EIF5B: variants seen among roughly 807,000 people sequenced by gnomAD.
The protein encoded by EIF5B is eIF-5B.
In EIF5B, 47 loss-of-function variants were observed where a neutral mutation model predicts 147.5. That is an observed-to-expected ratio of 0.32 (90% CI 0.25 to 0.41). EIF5B has a LOEUF of 0.41. Ranked by LOEUF, EIF5B falls within the 10% of genes least tolerant of loss-of-function variation. The pLI, the probability that EIF5B is intolerant of heterozygous loss-of-function variation, is 1.00. For synonymous variants in EIF5B, 455 were observed against 456.2 expected, an observed-to-expected ratio of 1.00 and a Z score of 0.03; for missense variants, 1,064 against 1,413.2, an observed-to-expected ratio of 0.75 and a Z score of 3.96.
chr2:99,394,263 C>A lies in EIF5B; in HGVS notation c.2881-4C>A. The A allele has an allele frequency of 6.2e-7, 1 of 1,601,116 alleles. No homozygotes were observed. On this transcript the variant is annotated splice_polypyrimidine_tract_variant and splice_region_variant and intron_variant, in intron 18 of 23. Coordinates refer to ENST00000289371, the MANE Select transcript of EIF5B (RefSeq NM_015904.4). ...AACCTTATCAAATCTGATTTCTTTT[C>A]AAGGATGAATTGATCCATGAGTTAA...
chr2:99,385,022 T>C (rs901263235), intron 14 of EIF5B, among the ~76,000 whole-genome samples: 2 of 152,172 alleles, frequency 1.3e-5, no homozygotes, highest in African/African-American at 4.8e-5. Context: ...TAGAATGCTC[T>C]AAGCAGCATT....
rs1438234618 is a variant in EIF5B, at chr2:99,382,898, C to G, written c.2248C>G (p.Pro750Ala). ...SINLLKSKKC[P>A]FIVALNKIDR... The stretch of plus-strand genomic sequence containing the variant: ...CAACCTTCTCAAATCTAAAAAATGT[C>G]CCTTCATTGTTGCACTCAATAAGGT... Residue 750 changes from proline (P) to alanine (A), a missense_variant, in exon 14 of 24, where the codon CCC becomes GCC. Physicochemically the swap from Pro to Ala is conservative, Grantham distance 27. Coordinates refer to ENST00000289371, the MANE Select transcript of EIF5B (RefSeq NM_015904.4). The G allele has an allele frequency of 6.2e-7, 1 of 1,609,768 alleles. No homozygotes were observed.
At chr2:99,347,409 A>G (rs2094275621) in intron 1 of EIF5B, among the ~76,000 whole-genome samples, 1 of 152,218 alleles carries the variant, frequency 6.6e-6, no homozygotes, top group Admixed American at 6.5e-5. Context: ...AATCTAAATC[A>G]GGGCTTCTCA....
chr2:99,394,818 T>C lies in EIF5B; in HGVS notation c.3189T>C (p.Tyr1063=). 6.2e-7 allele frequency: 1 copy of C among 1,612,378 alleles called. No homozygotes were observed. The highest frequency in any genetic ancestry group is 8.5e-7 in the Non-Finnish European group (1 of 1,179,056). The change falls in exon 21 of 24, where the codon TAT becomes TAC. Residue 1063 remains tyrosine, a synonymous_variant. Coordinates refer to ENST00000289371, the MANE Select transcript of EIF5B (RefSeq NM_015904.4). ...GVRIFSAEII[Y]HLFDAFTKYR... ...GAATTTTTAGTGCAGAAATTATTTA[T>C]CATTTATTTGATGCCTTTACAAAAT...
chr2:99,364,892 C>G (rs1054658701), intron 6 of EIF5B, among the ~76,000 whole-genome samples: 3 of 152,096 alleles, frequency 2.0e-5, no homozygotes, highest in South Asian at 2.1e-4. Flanking sequence ...TTTTTTTAAC[C>G]CTTTCCTTAC....
At position 99,396,965 on chromosome 2, in the gene EIF5B, C is replaced by A. The variant is rs1382788426; in HGVS notation, c.3393+67C>A. On this transcript the variant is annotated intron_variant, in intron 22 of 23. Transcript: ENST00000289371. The stretch of plus-strand genomic sequence containing the variant: ...ACTAAATGAGTGTCCAAGAGTCGTA[C>A]CAACACAGCTTTGTGCCTGTAGTTC... 2.6e-6 allele frequency: 4 copies of A among 1,525,052 alleles called. No homozygotes were observed. The East Asian group carries it at 9.1e-5, about 35-fold the overall frequency. 94.5% of individuals were successfully genotyped at this position (1,525,052 alleles called of 1,614,324 possible). A position where few individuals can be genotyped will look rare whatever the true frequency, so the allele number is the denominator to read the frequency against.
rs374990639 is a variant in EIF5B at position 99,379,397 on chromosome 2, C to G, written c.2030C>G (p.Ala677Gly). Residue 677 changes from alanine to glycine, a missense_variant, in exon 12 of 24, where the codon GCT becomes GGT. Coordinates refer to ENST00000289371, the MANE Select transcript of EIF5B (RefSeq NM_015904.4). ...QIGATNVPLEAINEQTKMIKN... is the reference protein window; with the variant it reads ...QIGATNVPLEGINEQTKMIKN... ...GGGGCCACCAATGTTCCTCTTGAAG[C>G]TATTAATGAACAGACTAAGATGATT... 8.1e-6 allele frequency: 13 copies of G among 1,613,066 alleles called. No individual in the cohort carries two copies. In the African/African-American group the frequency reaches 1.3e-4, roughly 17 times the overall value.
Position 99,393,058 on chromosome 2 carries a change from T to C in EIF5B, c.2840T>C (p.Leu947Pro). 1 of 1,580,296 alleles carries C rather than the reference T, an allele frequency of 6.3e-7. No homozygotes were observed. Among genetic ancestry groups the C allele is most frequent in the South Asian group, 1.2e-5 (1 of 85,180 alleles). ...GAGAAAACATTGGCTGGTTTACCCC[T>C]CCTTGTGGCTTATAAAGAAGATGAA... ...DLEKTLAGLP[L>P]LVAYKEDEIP... The change falls in exon 18 of 24, where the codon CTC (leucine) becomes CCC (proline). Residue 947 changes from leucine to proline, a missense_variant. By Grantham distance (98) the Leu-to-Pro change is moderately conservative. This residue lies in a region of EIF5B where 380 missense variants were observed against 715.6 expected (regional missense o/e 0.53). Coordinates refer to ENST00000289371, the MANE Select transcript of EIF5B (RefSeq NM_015904.4).
chr2:99,395,721 G>A (rs1215282346), intron 21 of EIF5B, among the ~76,000 whole-genome samples: 1 of 152,188 alleles, frequency 6.6e-6, no homozygotes, highest in Non-Finnish European at 1.5e-5. Context: ...TAGATAAGGA[G>A]AGGAGGGACT....
At chr2:99,366,709 A>G (rs964723424) in intron 6 of EIF5B, among the ~76,000 whole-genome samples, 1 of 152,214 alleles carries the variant, frequency 6.6e-6, no homozygotes, top group Non-Finnish European at 1.5e-5. Context: ...AAATCACAGC[A>G]TGGTATTTTG....
intron 1 of EIF5B, among the ~76,000 whole-genome samples, chr2:99,340,894 C>G (rs2094257942): frequency 1.3e-5 from 2 of 152,056 alleles, no homozygotes; most frequent in African/African-American, 2.4e-5. Context: ...CTCAGCCTCT[C>G]AAGTAGCTGG....
chr2:99,337,664 G>A, intron 1 of EIF5B, 75 bp downstream of exon 1: 1 of 1,518,900 alleles, frequency 6.6e-7, no homozygotes, highest in Admixed American at 2.1e-5. Context: ...CGGGCGCGGC[G>A]TCGGACCGGG....
intron 22 of EIF5B, chr2:99,398,061 G>T (rs1675097037): frequency 6.6e-6 from 1 of 151,970 alleles, no homozygotes; most frequent in African/African-American, 2.4e-5. Context: ...CTTCCTTTCT[G>T]GTTGAGATGT....
At chr2:99,387,515 A>T (rs564115112) in intron 14 of EIF5B, among the ~76,000 whole-genome samples, 1 of 152,178 alleles carries the variant, frequency 6.6e-6, no homozygotes, top group Non-Finnish European at 1.5e-5. Flanking sequence ...CCATTGCTCT[A>T]TATACATTCC....
intron 1 of EIF5B, chr2:99,338,463 G>A (rs2094249677): frequency 3.4e-6 from 2 of 585,530 alleles, no homozygotes; most frequent in African/African-American, 3.8e-5. Context: ...GAGGCGGAGA[G>A]TAAGGTAAAT....
At chr2:99,350,458 T>C (rs1673923312) in intron 1 of EIF5B, among the ~76,000 whole-genome samples, 1 of 152,200 alleles carries the variant, frequency 6.6e-6, no homozygotes, top group Non-Finnish European at 1.5e-5. Flanking sequence ...TTTTTGTCTT[T>C]TTGTAAAAGC....
intron 12 of EIF5B, among the ~76,000 whole-genome samples, 153 bp downstream of exon 12, chr2:99,379,581 T>G (rs1674646975): frequency 6.6e-6 from 1 of 152,214 alleles, no homozygotes; most frequent in Non-Finnish European, 1.5e-5. Context: ...TTGCTTTAGA[T>G]CATTCTTTTT....
chr2:99,359,356 G>A (rs1045322059), intron 1 of EIF5B, among the ~76,000 whole-genome samples: 3 of 151,706 alleles, frequency 2.0e-5, no homozygotes, highest in Non-Finnish European at 2.9e-5. Flanking sequence ...GCGACAGAGT[G>A]AGAGTCCGTC....
rs1200904606 is a variant in EIF5B at position 99,364,434 on chromosome 2, C to T, written c.1288+13C>T. 4 of 1,567,712 alleles carry T rather than the reference C, an allele frequency of 2.6e-6. No homozygotes were observed. The highest frequency in any genetic ancestry group is 3.4e-4 in the Middle Eastern group (2 of 5,854). ...CTACAAGCTCAGGGTGAGTGGTACT[C>T]TTCATTAACTGAATGGTCAGAGAGC... On this transcript the variant is annotated intron_variant, in intron 6 of 23. Transcript: ENST00000289371.
Sources: gnomAD v4.1 joint callset for allele counts (sites outside exome capture counted in the v4.1 genomes callset) on GRCh38, gnomAD v4.1.1 for gene constraint, gnomAD v4.1.1 regional missense constraint, MANE v1.5 for transcripts, NCBI Gene and HGNC (gene_info 2026-07-23, HGNC 2026-07-21) for gene names.